The following CTNNA2 variants were observed in gnomAD, a reference collection of about 807,000 sequenced individuals.
The protein encoded by CTNNA2 is catenin alpha-2.
CTNNA2 carries 42 observed loss-of-function variants against 101.0 expected under a neutral mutation model. That is an observed-to-expected ratio of 0.42 (90% CI 0.32 to 0.54). CTNNA2 has a LOEUF of 0.54. Among genes scored for constraint, CTNNA2 ranks in the 20% least tolerant of loss-of-function variants. The pLI is 0.14. For synonymous variants in CTNNA2, 450 were observed against 456.4 expected (o/e 0.99, Z 0.18); for missense variants, 871 against 1,223.1 (o/e 0.71, Z 4.29).
chr2:79,358,415 A>G (rs1836212), intron 3 of CTNNA2, among the ~76,000 whole-genome samples: 147,723 of 152,256 alleles, frequency 0.97, 71,691 homozygotes, highest in East Asian at 1. Context: ...GGCCAGGCTG[A>G]TCTCGAACTC....
rs538992921 is a variant in CTNNA2, at chr2:80,368,847, A to ATG, written c.1057-24344_1057-24343dup. Among the ~76,000 whole-genome samples the ATG allele has an allele frequency of 5.6e-3, 748 of 134,608 alleles. 7 individuals carry two copies. The highest frequency in any genetic ancestry group is 0.013 in the South Asian group (58 of 4,324). 88.3% of individuals were successfully genotyped at this position (134,608 alleles called of 152,430 possible). On this transcript the variant is annotated intron_variant, in intron 7 of 18. Coordinates refer to ENST00000402739, the MANE Select transcript of CTNNA2 (RefSeq NM_001282597.3). ...TATATATATATGTGTGTGTGTATATATGTGTGTGTGTGTGTGTGTGTATAT... is the reference window on the plus strand; with the variant it reads ...TATATATATATGTGTGTGTGTATATATGTGTGTGTGTGTGTGTGTGTGTATAT...
chr2:80,638,362 G>A (rs1372370975), intron 18 of CTNNA2, among the ~76,000 whole-genome samples: 2 of 152,124 alleles, frequency 1.3e-5, no homozygotes, highest in Admixed American at 1.3e-4. Context: ...TCTTCTCTTT[G>A]TTGCATAATT....
chr2:79,340,851 A>AG (rs1677119972), intron 3 of CTNNA2, among the ~76,000 whole-genome samples: 4 of 147,334 alleles, frequency 2.7e-5, no homozygotes, highest in South Asian at 2.1e-4. Context: ...AAAAAAAAAA[A>AG]AAAGAAAAGA....
At chr2:79,991,462 C>A (rs145174717) in intron 7 of CTNNA2, among the ~76,000 whole-genome samples, 1 of 152,230 alleles carries the variant, frequency 6.6e-6, no homozygotes, top group African/African-American at 2.4e-5. Flanking sequence ...TAGATCTCCC[C>A]TAGAGAAGAA....
At position 80,024,776 on chromosome 2, in the gene CTNNA2, G is replaced by A. The variant is rs184681743; in HGVS notation, c.1056+114979G>A. On this transcript the variant is annotated intron_variant, in intron 7 of 18. Transcript: ENST00000402739. ...TACAATCAGTGCTCCTTTAGCATTC[G>A]ATGTCCATGGACAGCTAAGTGTTGA... Among the ~76,000 whole-genome samples the A allele has an allele frequency of 2.3e-3, 349 of 152,268 alleles. 7 individuals carry two copies. Among genetic ancestry groups the A allele is most frequent in the Admixed American group, 0.019 (290 of 15,298 alleles).
At chr2:80,622,229 G>T (rs921806935) in intron 18 of CTNNA2, among the ~76,000 whole-genome samples, 2 of 151,876 alleles carry the variant, frequency 1.3e-5, no homozygotes, top group Non-Finnish European at 1.5e-5. Flanking sequence ...ATATAATCAG[G>T]CAGGCATTTG....
Position 80,647,635 on chromosome 2 carries a change from T to C in CTNNA2, c.2625T>C (p.Ala875=), listed in dbSNP as rs1378904006. The C allele has an allele frequency of 2.8e-5, 45 of 1,613,364 alleles. No homozygotes were observed. In the East Asian group the frequency reaches 9.8e-4, roughly 35 times the overall value. ...AGGCAGCTAAAAACCTGATGAATGC[T>C]GTTGTCCTCACGGTGAAAGCATCCT... is the stretch of plus-strand genomic sequence containing the variant. ...LIQAAKNLMN[A]VVLTVKASYV... is the part of the protein sequence containing the mutation. Residue 875 remains alanine (A), a synonymous_variant, in exon 19 of 19, where the codon GCT becomes GCC. Transcript: ENST00000402739.
In CTNNA2 at chr2:79,228,174, A is replaced by C. The variant is rs1321304960; in HGVS notation, c.-406+30098A>C. Among the ~76,000 whole-genome samples, 3 of 152,178 alleles carry C rather than the reference A, an allele frequency of 2.0e-5. No individual in the cohort carries two copies. In the East Asian group the frequency reaches 5.8e-4, roughly 29 times the overall value. On this transcript the variant is annotated intron_variant, in intron 2 of 21. Transcript: ENST00000466387. Reference sequence around the variant, plus strand: ...CAGTCCACTATTGATGGGCACTTAGATTGTATGTCCTTGCTATTGTGAATA... The same window carrying C: ...CAGTCCACTATTGATGGGCACTTAGCTTGTATGTCCTTGCTATTGTGAATA...
At chr2:79,369,573 G>A (rs572151213) in intron 3 of CTNNA2, among the ~76,000 whole-genome samples, 8 of 152,256 alleles carry the variant, frequency 5.3e-5, no homozygotes, top group Middle Eastern at 3.4e-3. Context: ...ACCTACAGAA[G>A]CTCCCCCAGG....
intron 1 of CTNNA2, among the ~76,000 whole-genome samples, chr2:79,609,668 A>T (rs901730888): frequency 1.3e-5 from 2 of 152,150 alleles, no homozygotes; most frequent in Admixed American, 6.5e-5. Flanking sequence ...GATCTTTGAG[A>T]AAGGTGCAAA....
intron 3 of CTNNA2, among the ~76,000 whole-genome samples, chr2:79,347,722 T>C (rs1222667965): frequency 1.3e-5 from 2 of 151,788 alleles, no homozygotes; most frequent in African/African-American, 4.8e-5. Flanking sequence ...TTCTACTACA[T>C]CTGACCACTC....
chr2:80,511,761 T>C (rs1359070622), intron 9 of CTNNA2, among the ~76,000 whole-genome samples: 1 of 152,194 alleles, frequency 6.6e-6, no homozygotes, highest in East Asian at 1.9e-4. Context: ...TGATAGGATA[T>C]TTCTGCTTTT....
chr2:79,437,295 GA>G (rs1678727814), intron 4 of CTNNA2, among the ~76,000 whole-genome samples: 1 of 151,804 alleles, frequency 6.6e-6, no homozygotes, highest in Non-Finnish European at 1.5e-5. Flanking sequence ...ATATTCTTAA[GA>G]AGAACTTCTC....
At chr2:80,039,514 G>A (rs1457780871) in intron 7 of CTNNA2, among the ~76,000 whole-genome samples, 5 of 152,170 alleles carry the variant, frequency 3.3e-5, no homozygotes, top group African/African-American at 9.7e-5. Flanking sequence ...CACTGAGCAA[G>A]ACATGGGGGT....
chr2:79,934,934 T>C (rs564051746), intron 7 of CTNNA2, among the ~76,000 whole-genome samples: 378 of 152,360 alleles, frequency 2.5e-3, no homozygotes, highest in African/African-American at 8.4e-3. Flanking sequence ...TTAGAATGGA[T>C]GTATAAATAG....
chr2:80,337,057 A>G (rs955692968), intron 7 of CTNNA2, among the ~76,000 whole-genome samples: 5 of 152,180 alleles, frequency 3.3e-5, no homozygotes, highest in African/African-American at 1.2e-4. Flanking sequence ...GGGTGTGGGC[A>G]TAAGAAAATG....
chr2:79,605,979 A>G (rs1677863748), intron 1 of CTNNA2, among the ~76,000 whole-genome samples: 1 of 152,152 alleles, frequency 6.6e-6, no homozygotes, highest in Non-Finnish European at 1.5e-5. Flanking sequence ...GTGGAATTAC[A>G]TTTTTAAAAT....
At chr2:79,294,214 GGAAGAA>G (rs755348814) in intron 2 of CTNNA2, among the ~76,000 whole-genome samples, 103 of 147,548 alleles carry the variant, frequency 7.0e-4, no homozygotes, top group Middle Eastern at 7.1e-3. Flanking sequence ...AAGAAGAAGA[GGAAGAA>G]GAAGAAGAAG....
chr2:79,790,806 T>C (rs1396659702), intron 3 of CTNNA2, among the ~76,000 whole-genome samples: 1 of 152,210 alleles, frequency 6.6e-6, no homozygotes, highest in African/African-American at 2.4e-5. Context: ...TATTGATCGT[T>C]ACTTAGACTT....
Sources: allele counts gnomAD v4.1 joint callset (sites outside exome capture counted in the v4.1 genomes callset), GRCh38; gene constraint gnomAD v4.1.1; transcripts MANE v1.5; gene names NCBI Gene and HGNC (gene_info 2026-07-23, HGNC 2026-07-21).